PRDM2: variants seen among roughly 807,000 people sequenced by gnomAD.
The protein encoded by PRDM2 is PR domain zinc finger protein 2.
Under a neutral mutation model 130.0 loss-of-function variants are expected in PRDM2, and 30 were observed. The observed-to-expected ratio is 0.23, with a 90% CI of 0.17 to 0.31. The LOEUF is 0.31. PRDM2 is among the 10% of genes least tolerant of loss of function. PRDM2 has a pLI of 1.00. For synonymous variants in PRDM2, 871 were observed against 782.4 expected, an observed-to-expected ratio of 1.11 and a Z score of -1.89; for missense variants, 2,011 against 2,108.4, an observed-to-expected ratio of 0.95 and a Z score of 0.90.
intron 8 of PRDM2, chr1:13,788,033 A>C (rs1323244956): frequency 1.0e-6 from 1 of 980,724 alleles, no homozygotes; most frequent in African/African-American, 1.8e-5. Flanking sequence ...GGAGAATTTA[A>C]ACAATGCATT....
At chr1:13,786,847 C>T (rs897491407) in intron 8 of PRDM2, 11 of 1,116,376 alleles carry the variant, frequency 9.9e-6, no homozygotes, top group African/African-American at 8.1e-5. Flanking sequence ...GTTTTTGGCA[C>T]GTAGCAGAGA....
intron 8 of PRDM2, among the ~76,000 whole-genome samples, chr1:13,783,921 C>T (rs989228967): frequency 3.9e-5 from 6 of 152,058 alleles, no homozygotes; most frequent in African/African-American, 7.2e-5. Flanking sequence ...AGTGTGGACG[C>T]GACTGCCATT....
intron 8 of PRDM2, among the ~76,000 whole-genome samples, chr1:13,800,901 A>G (rs2100730859): frequency 6.6e-6 from 1 of 152,218 alleles, no homozygotes; most frequent in African/African-American, 2.4e-5. Flanking sequence ...TTCCCCAGCT[A>G]TACGAAGTTG....
chr1:13,702,831 G>A (rs865957660), intron 1 of PRDM2, among the ~76,000 whole-genome samples: 20 of 152,172 alleles, frequency 1.3e-4, no homozygotes, highest in African/African-American at 3.9e-4. Context: ...CCAAAACAGC[G>A]GACTTCTACT....
chr1:13,729,975 A>G (rs1643049818), intron 2 of PRDM2, among the ~76,000 whole-genome samples: 2 of 152,194 alleles, frequency 1.3e-5, no homozygotes, highest in Non-Finnish European at 2.9e-5. Flanking sequence ...CTTGGTACAT[A>G]TATTCTTGAA....
At position 13,780,451 on chromosome 1, in the gene PRDM2, T is replaced by C. The variant is rs765539519; in HGVS notation, c.2656T>C (p.Cys886Arg). ...SAVKKRKPTT[C>R]MLQKVLLNEY... ...TGTAAAGAAAAGGAAACCAACCACCTGCATGCTGCAGAAGGTTCTTCTCAA... is the reference window on the plus strand; with the variant it reads ...TGTAAAGAAAAGGAAACCAACCACCCGCATGCTGCAGAAGGTTCTTCTCAA... Residue 886 changes from cysteine (C) to arginine (R), a missense_variant, in exon 8 of 10, where the codon TGC becomes CGC. Cys to Arg is a radical substitution (Grantham distance 180, BLOSUM62 -3). Around this residue, in one of 5 missense-constraint regions of PRDM2, gnomAD observed 1,288 missense variants for 1,237.7 expected, o/e 1.04. Coordinates refer to ENST00000311066, the MANE Select transcript of PRDM2 (RefSeq NM_001393986.1). 3.1e-6 allele frequency: 5 copies of C among 1,614,182 alleles called. No homozygotes were observed. Among genetic ancestry groups the C allele is most frequent in the Non-Finnish European group, 4.2e-6 (5 of 1,180,028 alleles).
In PRDM2 at chr1:13,780,767, C is replaced by T. The variant is rs763696166; in HGVS notation, c.2972C>T (p.Pro991Leu). 8 of 1,573,792 alleles carry T rather than the reference C, an allele frequency of 5.1e-6. No individual in the cohort carries two copies. Among genetic ancestry groups the T allele is most frequent in the Non-Finnish European group, 6.0e-6 (7 of 1,157,666 alleles). Residue 991 changes from proline to leucine, a missense_variant, in exon 8 of 10, where the codon CCT (proline) becomes CTT (leucine). Coordinates refer to ENST00000311066, the MANE Select transcript of PRDM2 (RefSeq NM_001393986.1). The stretch of plus-strand genomic sequence containing the variant: ...GCCACTCCGCCCCCTCCCCTCCTTC[C>T]TACCGTACCTCTTCCAGCCCCCTCT... ...TVATPPPPLL[P>L]TVPLPAPSSS...
At position 13,803,208 on chromosome 1, in the gene PRDM2, A is replaced by G. The variant is rs987037014; in HGVS notation, c.5037-13219A>G. On this transcript the variant is annotated intron_variant, in intron 8 of 9. Coordinates refer to ENST00000311066, the MANE Select transcript of PRDM2 (RefSeq NM_001393986.1). This position sits in a 1 kb window ranked among gnomAD's most constrained non-coding sequence, Gnocchi z 6.2. ...GGACCTTGGCAATGAGAGAAACCGTATAGGAAGCCACGCTGGGAGGATTTG... is the reference window on the plus strand; with the variant it reads ...GGACCTTGGCAATGAGAGAAACCGTGTAGGAAGCCACGCTGGGAGGATTTG... 3.3e-5 allele frequency among the ~76,000 whole-genome samples: 5 copies of G among 152,222 alleles called. No individual in the cohort carries two copies. Among genetic ancestry groups the G allele is most frequent in the African/African-American group, 9.7e-5 (4 of 41,450 alleles).
At chr1:13,783,054 T>A in intron 8 of PRDM2, 2 of 1,024,596 alleles carry the variant, frequency 2.0e-6, no homozygotes, top group Non-Finnish European at 2.8e-6. Flanking sequence ...GTGCCACTTC[T>A]TTAATGTGGC....
At chr1:13,705,089 A>G (rs991391356) in intron 1 of PRDM2, 2 of 152,178 alleles carry the variant, frequency 1.3e-5, no homozygotes, top group African/African-American at 4.8e-5. Context: ...GAGTAATTTA[A>G]TGGAGCCCTA....
intron 6 of PRDM2, among the ~76,000 whole-genome samples, chr1:13,751,543 TTAAC>T (rs926071789): frequency 9.2e-5 from 14 of 152,034 alleles, no homozygotes; most frequent in Middle Eastern, 3.4e-3. Flanking sequence ...TTTTTTTTAA[TTAAC>T]TCAGTTCTGT....
Position 13,781,464 on chromosome 1 carries a change from G to A in PRDM2, c.3669G>A (p.Glu1223=). The A allele has an allele frequency of 6.2e-7, 1 of 1,613,766 alleles. No homozygotes were observed. The highest frequency in any genetic ancestry group is 8.5e-7 in the Non-Finnish European group (1 of 1,179,902). The change falls in exon 8 of 10, where the codon GAG becomes GAA. Residue 1223 remains glutamate (E), a synonymous_variant. Transcript: ENST00000311066. This position sits in a 1 kb window ranked among gnomAD's most constrained non-coding sequence, Gnocchi z 6.1. The part of the protein sequence containing the change: ...LHPDKVCTHH[E]FESGTLRPQN... ...CAGATAAGGTGTGCACACATCACGA[G>A]TTTGAAAGCGGGACTCTGAGGCCCC...
intron 8 of PRDM2, among the ~76,000 whole-genome samples, chr1:13,791,349 C>T (rs996099848): frequency 3.3e-5 from 5 of 152,128 alleles, no homozygotes; most frequent in Admixed American, 2.6e-4. Context: ...CCAATTAGTT[C>T]AGGTCAATCA....
chr1:13,791,719 A>G lies in PRDM2; in HGVS notation c.5036+8888A>G, dbSNP rs1236398956. On this transcript the variant is annotated intron_variant, in intron 8 of 9. Transcript: ENST00000311066. ...ATTGAGGAAACCATCATCACTCTACATTAAATTACTTGCAGTTGCAAAAAT... is the reference window on the plus strand; with the variant it reads ...ATTGAGGAAACCATCATCACTCTACGTTAAATTACTTGCAGTTGCAAAAAT... 9.2e-5 allele frequency among the ~76,000 whole-genome samples: 14 copies of G among 152,258 alleles called. No homozygotes were observed. In the East Asian group the frequency reaches 2.3e-3, roughly 25 times the overall value.
At chr1:13,722,852 G>A (rs757586765) in intron 2 of PRDM2, 3 of 516,492 alleles carry the variant, frequency 5.8e-6, no homozygotes, top group Non-Finnish European at 1.2e-5. Context: ...TTTTGAATCA[G>A]ATACTTTGTA....
rs1374762477 is a variant in PRDM2, at chr1:13,731,130, C to T, written c.127+13C>T. On this transcript the variant is annotated intron_variant, in intron 3 of 9. Transcript: ENST00000311066. ...AAGACCCGGATTGGTGAGTGCTCCT[C>T]CTGTCACGGAGCAAGTCAGGCAGTA... The T allele has an allele frequency of 3.7e-6, 6 of 1,600,744 alleles. No homozygotes were observed. The highest frequency in any genetic ancestry group is 1.3e-5 in the African/African-American group (1 of 74,498).
chr1:13,716,386 C>T (rs1642538717), intron 2 of PRDM2, among the ~76,000 whole-genome samples: 2 of 151,478 alleles, frequency 1.3e-5, no homozygotes, highest in Admixed American at 1.3e-4. Flanking sequence ...ACCAGCATGG[C>T]ACATGTATAC....
intron 5 of PRDM2, among the ~76,000 whole-genome samples, chr1:13,746,649 C>G (rs1398829135): frequency 6.6e-6 from 1 of 152,014 alleles, no homozygotes; most frequent in African/African-American, 2.4e-5. Context: ...CTCCACCTCC[C>G]AAGCTCCAGT....
At chr1:13,749,652 C>CCCCGCTCCCGCCCTGCGGT (rs1553156932) in intron 6 of PRDM2, among the ~76,000 whole-genome samples, 165 bp downstream of exon 6, 2 of 151,312 alleles carry the variant, frequency 1.3e-5, no homozygotes, top group Admixed American at 6.6e-5. Context: ...CCTGCCCCGG[C>CCCCGCTCCCGCCCTGCGGT]CCCGCTCCCG....
Sources: allele counts gnomAD v4.1 joint callset (sites outside exome capture counted in the v4.1 genomes callset), GRCh38; gene constraint gnomAD v4.1.1; regional missense constraint gnomAD v4.1.1; non-coding constraint Gnocchi (gnomAD v3.1); transcripts MANE v1.5; gene names NCBI Gene and HGNC (gene_info 2026-07-23, HGNC 2026-07-21).